The following FSTL5 variants were observed in gnomAD, a reference collection of about 807,000 sequenced individuals.
FSTL5 encodes follistatin-related protein 5.
A neutral mutation model predicts 89.1 loss-of-function variants in FSTL5; 62 were observed. That is an observed-to-expected ratio of 0.70 (90% CI 0.57 to 0.86). The LOEUF is 0.86. Among genes scored for constraint, FSTL5 ranks in the 40% least tolerant of loss-of-function variants. FSTL5 has a pLI of 0.00. For missense variants in FSTL5, 1,057 were observed against 1,001.6 expected, an observed-to-expected ratio of 1.06 and a Z score of -0.75; for synonymous variants, 383 against 346.2, an observed-to-expected ratio of 1.11 and a Z score of -1.18.
chr4:162,004,936 G>A (rs1011808029), intron 3 of FSTL5, among the ~76,000 whole-genome samples: 1 of 152,096 alleles, frequency 6.6e-6, no homozygotes, highest in Non-Finnish European at 1.5e-5. Flanking sequence ...CACACACTAA[G>A]GGAGGTTTTT....
chr4:161,542,810 G>C (rs959791076), intron 8 of FSTL5, 117 bp from the exon 9 acceptor site: 4 of 523,484 alleles, frequency 7.6e-6, no homozygotes, highest in African/African-American at 4.0e-5. Flanking sequence ...GATGCTATAC[G>C]TTTCTACAGA....
At chr4:161,981,798 C>T (rs756108566) in intron 3 of FSTL5, among the ~76,000 whole-genome samples, 6 of 152,084 alleles carry the variant, frequency 3.9e-5, no homozygotes, top group East Asian at 1.9e-4. Context: ...TTTATTCCAG[C>T]GTATGTATTG....
intron 15 of FSTL5, among the ~76,000 whole-genome samples, chr4:161,393,491 G>A (rs1000224124): frequency 6.6e-6 from 1 of 151,896 alleles, no homozygotes; most frequent in Non-Finnish European, 1.5e-5. Flanking sequence ...GAACCTCTTC[G>A]AAGATGGGAG....
chr4:161,872,792 G>A (rs1157203030), intron 4 of FSTL5, among the ~76,000 whole-genome samples: 5 of 152,090 alleles, frequency 3.3e-5, no homozygotes. Context: ...TGAAGTTTGA[G>A]AGAAACTGAG....
chr4:161,435,807 C>T (rs1057493893), intron 15 of FSTL5, among the ~76,000 whole-genome samples: 1 of 151,858 alleles, frequency 6.6e-6, no homozygotes, highest in Non-Finnish European at 1.5e-5. Flanking sequence ...CAGATGGTCC[C>T]TTGGCAACTC....
intron 3 of FSTL5, among the ~76,000 whole-genome samples, chr4:162,023,191 T>C (rs6847013): frequency 0.12 from 18,044 of 152,132 alleles, 1,272 homozygotes; most frequent in East Asian, 0.28. Context: ...TCGTGTGGTA[T>C]GGTAAGATTT....
chr4:161,714,422 A>C (rs563193828), intron 6 of FSTL5, among the ~76,000 whole-genome samples: 68 of 152,148 alleles, frequency 4.5e-4, no homozygotes, highest in African/African-American at 1.6e-3. Flanking sequence ...GACATAAAAC[A>C]TTCCAGAAAT....
chr4:162,030,063 T>A (rs1453828227), intron 3 of FSTL5, among the ~76,000 whole-genome samples: 2 of 152,056 alleles, frequency 1.3e-5, no homozygotes, highest in East Asian at 3.9e-4. Context: ...CACGCCTGGC[T>A]AATTTTTTAT....
At chr4:161,445,368 A>G (rs536716750) in intron 15 of FSTL5, among the ~76,000 whole-genome samples, 1 of 152,018 alleles carries the variant, frequency 6.6e-6, no homozygotes, top group African/African-American at 2.4e-5. Flanking sequence ...ACTGTTTACC[A>G]TAATAAAAAA....
intron 13 of FSTL5, among the ~76,000 whole-genome samples, chr4:161,461,277 T>G (rs141363287): frequency 0.25 from 29,814 of 119,324 alleles, 4,037 homozygotes; most frequent in East Asian, 0.51. Flanking sequence ...ACCCCGTCTC[T>G]ACTAAAAATA....
chr4:162,133,940 T>G (rs989019467), intron 1 of FSTL5, among the ~76,000 whole-genome samples: 1 of 152,200 alleles, frequency 6.6e-6, no homozygotes, highest in African/African-American at 2.4e-5. Context: ...TCTCGACAGC[T>G]AGAGTCATGA....
At chr4:162,108,980 A>G (rs114078398) in intron 2 of FSTL5, among the ~76,000 whole-genome samples, 4,313 of 152,132 alleles carry the variant, frequency 0.028, 81 homozygotes, top group Non-Finnish European at 0.044. Flanking sequence ...AAAATACGTA[A>G]AGTATATGTC....
At chr4:161,808,901 A>G (rs2126837116) in intron 4 of FSTL5, among the ~76,000 whole-genome samples, 1 of 152,266 alleles carries the variant, frequency 6.6e-6, no homozygotes, top group East Asian at 1.9e-4. Context: ...ACAAAAAGGT[A>G]TTCAACAAAT....
At position 161,385,908 on chromosome 4, in the gene FSTL5, G is replaced by A. The variant is rs17040984; in HGVS notation, c.2383C>T (p.Arg795Trp). The A allele has an allele frequency of 9.3e-6, 15 of 1,613,436 alleles. No homozygotes were observed. The highest frequency in any genetic ancestry group is 1.6e-4 in the Middle Eastern group (1 of 6,082). The change falls in exon 16 of 16, where the codon CGG (arginine) becomes TGG (tryptophan). Residue 795 changes from arginine (R) to tryptophan (W), a missense_variant. Around this residue, in one of 3 missense-constraint regions of FSTL5, gnomAD observed 68 missense variants for 73.3 expected, o/e 0.93. Coordinates refer to ENST00000306100, the MANE Select transcript of FSTL5 (RefSeq NM_020116.5). Reference protein sequence around the residue: ...PLKAEEWPWNRKNRQIQDSGL... With the variant: ...PLKAEEWPWNWKNRQIQDSGL... ...CTGTCCTGGATTTGCCTGTTTTTCC[G>A]GTTCCAAGGCCATTCTTCTGCCTTG...
Position 161,459,345 on chromosome 4 carries a change from A to T in FSTL5, c.1609-26T>A, listed in dbSNP as rs746301236. ...CTACAATAAAGAAGAATTGAAAAAA[A>T]TGTTTTAGACTAAACTATTAGTTTA... On this transcript the variant is annotated intron_variant, in intron 13 of 15. Coordinates refer to ENST00000306100, the MANE Select transcript of FSTL5 (RefSeq NM_020116.5). 8 of 1,476,856 alleles carry T rather than the reference A, an allele frequency of 5.4e-6. No individual in the cohort carries two copies. In the South Asian group the frequency reaches 9.2e-5, roughly 17 times the overall value. The allele number at this position is 1,476,856 out of a possible 1,614,324, so 91.5% of individuals were successfully genotyped here.
chr4:161,545,318 G>GTC (rs1731966156), intron 8 of FSTL5, among the ~76,000 whole-genome samples: 1 of 151,854 alleles, frequency 6.6e-6, no homozygotes, highest in Non-Finnish European at 1.5e-5. Context: ...TTTTATTTCT[G>GTC]TCTCTCTCTC....
chr4:161,797,628 T>A (rs1195469741), intron 4 of FSTL5, among the ~76,000 whole-genome samples: 1 of 151,544 alleles, frequency 6.6e-6, no homozygotes, highest in African/African-American at 2.4e-5. Context: ...TGAACCACTA[T>A]TAAAAAATGG....
At chr4:161,472,067 C>T (rs554878077) in intron 13 of FSTL5, among the ~76,000 whole-genome samples, 1 of 151,360 alleles carries the variant, frequency 6.6e-6, no homozygotes, top group Non-Finnish European at 1.5e-5. Context: ...AGCTCCACCT[C>T]CCGGGTTCAC....
chr4:161,616,904 C>T (rs1215069731), intron 7 of FSTL5, among the ~76,000 whole-genome samples: 1 of 150,358 alleles, frequency 6.7e-6, no homozygotes, highest in Admixed American at 6.7e-5. Flanking sequence ...GTAACTATAA[C>T]GTATAATTCT....
Sources: allele counts gnomAD v4.1 joint callset (sites outside exome capture counted in the v4.1 genomes callset), GRCh38; gene constraint gnomAD v4.1.1; regional missense constraint gnomAD v4.1.1; transcripts MANE v1.5; gene names NCBI Gene and HGNC (gene_info 2026-07-23, HGNC 2026-07-21).